The following FMN1 variants were observed in gnomAD, a reference collection of about 807,000 sequenced individuals.
FMN1 encodes the protein formin 1, also known as formin-1.
FMN1 carries 110 observed loss-of-function variants against 132.4 expected under a neutral mutation model. That is an observed-to-expected ratio of 0.83 (90% CI 0.71 to 0.97). The LOEUF (loss-of-function observed/expected upper bound fraction) is 0.97, where lower values mean the gene tolerates loss of function less well. Among genes scored for constraint, FMN1 ranks in the 50% least tolerant of loss-of-function variants. The probability of loss-of-function intolerance (pLI) is 0.00; values close to 1 mark genes in which losing one functional copy is unlikely to be tolerated. For missense variants in FMN1, 1,792 were observed against 1,705.3 expected, an observed-to-expected ratio of 1.05 and a Z score of -0.90; for synonymous variants, 722 against 651.7, an observed-to-expected ratio of 1.11 and a Z score of -1.64.
In FMN1 at chr15:32,767,753, A is replaced by G. The variant is rs962544117; in HGVS notation, c.*6557T>C. On this transcript the variant is annotated 3_prime_UTR_variant, in exon 21 of 21. Transcript: ENST00000616417. ...ACAGAATTGCACAATTATAAATTTA[A>G]TAATTTTGGAGTAGACCTATCCCTT... 3.9e-5 allele frequency: 6 copies of G among 152,224 alleles called. No individual in the cohort carries two copies. Among genetic ancestry groups the G allele is most frequent in the African/African-American group, 1.4e-4 (6 of 41,462 alleles). The allele number at this position is 152,224 out of a possible 1,614,324, so 9.4% of individuals were successfully genotyped here.
intron 7 of FMN1, among the ~76,000 whole-genome samples, chr15:33,006,163 A>G (rs1596455360): frequency 1.3e-5 from 2 of 152,240 alleles, no homozygotes; most frequent in South Asian, 4.1e-4. Flanking sequence ...AGGGGTTAAT[A>G]TACAAAAAAT....
chr15:32,838,090 G>T (rs2058667589), intron 17 of FMN1, among the ~76,000 whole-genome samples: 1 of 152,090 alleles, frequency 6.6e-6, no homozygotes, highest in African/African-American at 2.4e-5. Context: ...ACAATAAAAG[G>T]CCGGCACGTT....
chr15:32,991,109 CA>C (rs1365726735), intron 7 of FMN1, among the ~76,000 whole-genome samples: 1 of 152,126 alleles, frequency 6.6e-6, no homozygotes, highest in Non-Finnish European at 1.5e-5. Flanking sequence ...TTTTCCTATG[CA>C]TAAGGCCAAA....
rs573273458 is a variant in FMN1 at position 33,086,596 on chromosome 15, A to G, written c.2043+2203T>C. Among the ~76,000 whole-genome samples the G allele has an allele frequency of 6.0e-3, 460 of 76,604 alleles. 3 individuals carry two copies. Among genetic ancestry groups the G allele is most frequent in the Non-Finnish European group, 0.013 (372 of 28,440 alleles). 50.3% of individuals were successfully genotyped at this position (76,604 alleles called of 152,430 possible). ...AGTATTTTTTAAAAACACAGAAGAA[A>G]AAGAAAGTAGCTTTTCAAAATCTAC... is the stretch of plus-strand genomic sequence containing the variant. On this transcript the variant is annotated intron_variant, in intron 5 of 20. Transcript: ENST00000616417.
At chr15:32,967,589 A>C (rs1241640948) in intron 8 of FMN1, among the ~76,000 whole-genome samples, 1 of 152,216 alleles carries the variant, frequency 6.6e-6, no homozygotes, top group Non-Finnish European at 1.5e-5. Flanking sequence ...TTTATGAACC[A>C]TTCATTTGGG....
rs1301052718 is a variant in FMN1, at chr15:32,823,669, A to T, written c.3929-19337T>A. Among the ~76,000 whole-genome samples the T allele has an allele frequency of 3.9e-5, 6 of 152,344 alleles. No homozygotes were observed. In the East Asian group the frequency reaches 1.2e-3, roughly 29 times the overall value. On this transcript the variant is annotated intron_variant, in intron 17 of 20. Coordinates refer to ENST00000616417, the MANE Select transcript of FMN1 (RefSeq NM_001277313.2). ...AAGATTTGTAAACCAACAAAATGCTAAAGTAGCAATTTTACTATTATCATA... is the reference window on the plus strand; with the variant it reads ...AAGATTTGTAAACCAACAAAATGCTTAAGTAGCAATTTTACTATTATCATA...
intron 6 of FMN1, among the ~76,000 whole-genome samples, chr15:33,053,748 A>T (rs1479764531): frequency 6.6e-6 from 1 of 152,178 alleles, no homozygotes; most frequent in Non-Finnish European, 1.5e-5. Flanking sequence ...GGAGAGGTAT[A>T]GGTGAAGTCC....
intron 7 of FMN1, among the ~76,000 whole-genome samples, chr15:33,004,245 A>C (rs2034283114): frequency 6.6e-6 from 1 of 152,218 alleles, no homozygotes; most frequent in Admixed American, 6.5e-5. Flanking sequence ...CCACCATCAG[A>C]GTGAACAGGC....
chr15:33,154,105 G>T lies in FMN1; in HGVS notation c.810C>A (p.Asp270Glu). ...TGLGREVLPPDCSSTEAGGDG... is the reference protein window; with the variant it reads ...TGLGREVLPPECSSTEAGGDG... ...CCCCTCCTGCCTCTGTGGAGCTGCA[G>T]TCAGGGGGCAGCACTTCTCTTCCAA... Residue 270 changes from aspartate (D) to glutamate (E), a missense_variant, in exon 4 of 21, where the codon GAC becomes GAA. Asp to Glu is a conservative substitution (Grantham distance 45, BLOSUM62 2). Around this residue, in one of 3 missense-constraint regions of FMN1, gnomAD observed 638 missense variants for 645.2 expected, o/e 0.99. Coordinates refer to ENST00000616417, the MANE Select transcript of FMN1 (RefSeq NM_001277313.2). 15 of 1,536,300 alleles carry T rather than the reference G, an allele frequency of 9.8e-6. No homozygotes were observed. The highest frequency in any genetic ancestry group is 1.3e-5 in the Non-Finnish European group (15 of 1,146,968).
intron 20 of FMN1, 120 bp downstream of exon 20, chr15:32,776,715 C>A: frequency 8.0e-6 from 4 of 499,386 alleles, no homozygotes; most frequent in Non-Finnish European, 7.0e-6. Context: ...TAACCATATG[C>A]TACTCTGGGA....
At chr15:32,858,028 A>G (rs1596100957) in intron 16 of FMN1, among the ~76,000 whole-genome samples, 1 of 152,236 alleles carries the variant, frequency 6.6e-6, no homozygotes, top group Non-Finnish European at 1.5e-5. Flanking sequence ...CTTGTCCAAA[A>G]GCCTATTAAT....
intron 15 of FMN1, among the ~76,000 whole-genome samples, chr15:32,894,795 AC>A (rs892203973): frequency 7.9e-5 from 12 of 151,420 alleles, no homozygotes; most frequent in African/African-American, 2.9e-4. Flanking sequence ...AAAAAAAAAA[AC>A]GCTTACAATC....
chr15:33,079,052 T>G (rs929462689), intron 5 of FMN1, among the ~76,000 whole-genome samples: 2 of 152,250 alleles, frequency 1.3e-5, no homozygotes, highest in African/African-American at 4.8e-5. Context: ...TCAATTCACT[T>G]ATATACAATT....
intron 4 of FMN1, among the ~76,000 whole-genome samples, chr15:33,127,229 G>A (rs560776128): frequency 6.6e-6 from 1 of 152,196 alleles, no homozygotes; most frequent in East Asian, 1.9e-4. Context: ...AAAATCAACT[G>A]GTCGGATCAT....
intron 6 of FMN1, among the ~76,000 whole-genome samples, chr15:33,010,630 A>G (rs963327512): frequency 9.8e-5 from 15 of 152,316 alleles, no homozygotes; most frequent in Non-Finnish European, 1.9e-4. Flanking sequence ...CATAGATTAT[A>G]AAGAGAAAAA....
intron 4 of FMN1, among the ~76,000 whole-genome samples, chr15:33,113,564 T>C (rs2039796466): frequency 6.6e-6 from 1 of 152,104 alleles, no homozygotes; most frequent in African/African-American, 2.4e-5. Context: ...CTTTAGTCAA[T>C]ACCTGCGCTC....
intron 9 of FMN1, among the ~76,000 whole-genome samples, chr15:32,945,239 G>T (rs973644951): frequency 6.6e-6 from 1 of 152,122 alleles, no homozygotes; most frequent in Admixed American, 6.6e-5. Flanking sequence ...ATATATGTAT[G>T]TTTCTATAAT....
At chr15:33,079,258 A>C (rs2141315150) in intron 5 of FMN1, among the ~76,000 whole-genome samples, 1 of 152,336 alleles carries the variant, frequency 6.6e-6, no homozygotes, top group South Asian at 2.1e-4. Context: ...AGAAAAGCAA[A>C]TTTCACAGTT....
At position 32,770,259 on chromosome 15, in the gene FMN1, C is replaced by T. The variant is rs1414258307; in HGVS notation, c.*4051G>A. 3.3e-5 allele frequency: 5 copies of T among 152,190 alleles called. No homozygotes were observed. Among genetic ancestry groups the T allele is most frequent in the Admixed American group, 3.3e-4 (5 of 15,286 alleles). The allele number at this position is 152,190 out of a possible 1,614,324, so 9.4% of individuals were successfully genotyped here. ...CGTGCATTGCTAATTCCCATTCACA[C>T]ACTGACTTGGCGCAATTTGCTGTGC... On this transcript the variant is annotated 3_prime_UTR_variant, in exon 21 of 21. Transcript: ENST00000616417.
Sources: gnomAD v4.1 joint callset for allele counts (sites outside exome capture counted in the v4.1 genomes callset) on GRCh38, gnomAD v4.1.1 for gene constraint, gnomAD v4.1.1 regional missense constraint, MANE v1.5 for transcripts, NCBI Gene and HGNC (gene_info 2026-07-23, HGNC 2026-07-21) for gene names.